Variants in CNTNAP4 observed in about 807,000 individuals in gnomAD.
CNTNAP4 encodes the protein contactin-associated protein-like 4.
CNTNAP4 carries 98 observed loss-of-function variants against 148.4 expected under a neutral mutation model. The ratio of observed to expected loss-of-function variants is 0.66; its 90% CI spans 0.56 to 0.78. CNTNAP4 has a LOEUF of 0.78. Among genes scored for constraint, CNTNAP4 ranks in the 30% least tolerant of loss-of-function variants. The pLI is 0.00. For synonymous variants in CNTNAP4, 730 were observed against 565.1 expected (o/e 1.29, Z -4.14); for missense variants, 1,935 against 1,565.6 (o/e 1.24, Z -3.98).
At chr16:76,495,271 T>G (rs965594725) in intron 14 of CNTNAP4, 3 of 397,784 alleles carry the variant, frequency 7.5e-6, no homozygotes, top group Non-Finnish European at 1.3e-5. Context: ...TAATGGACCA[T>G]AAGTCATGTA....
chr16:76,384,562 C>T (rs933085198), intron 3 of CNTNAP4, among the ~76,000 whole-genome samples: 2 of 152,060 alleles, frequency 1.3e-5, no homozygotes, highest in East Asian at 1.9e-4. Context: ...TTCATTCTCC[C>T]GCACTTGGAG....
chr16:76,429,984 A>G (rs1047335543), intron 4 of CNTNAP4, among the ~76,000 whole-genome samples: 13 of 152,216 alleles, frequency 8.5e-5, no homozygotes, highest in Non-Finnish European at 1.6e-4. Context: ...AGAAAAAGTA[A>G]TAAACTTAAT....
intron 1 of CNTNAP4, among the ~76,000 whole-genome samples, chr16:76,295,410 G>A (rs1007509614): frequency 1.3e-5 from 2 of 152,140 alleles, no homozygotes; most frequent in African/African-American, 2.4e-5. Flanking sequence ...TAAGTGTTAT[G>A]CATGCACATG....
In CNTNAP4 at chr16:76,448,885, A is replaced by T; in HGVS notation, c.861A>T (p.Thr287=). The T allele has an allele frequency of 6.2e-7, 1 of 1,613,786 alleles. No homozygotes were observed. Among genetic ancestry groups the T allele is most frequent in the Middle Eastern group, 1.6e-4 (1 of 6,062 alleles). The change falls in exon 6 of 24, where the codon ACA becomes ACT. Residue 287 remains threonine (T), a synonymous_variant. Transcript: ENST00000611870. ...IQRLGKQVNF[T]VDEHRHHFHA... ...GTTTGGGCAAACAAGTCAACTTCAC[A>T]GTGGACGAACACAGGCATCATTTCC...
intron 11 of CNTNAP4, 109 bp downstream of exon 11, chr16:76,476,154 A>C: frequency 1.4e-6 from 1 of 694,058 alleles, no homozygotes; most frequent in South Asian, 1.9e-5. Flanking sequence ...CTCAGCATCC[A>C]GTGGTTAATC....
chr16:76,378,508 T>C (rs1278785776), intron 3 of CNTNAP4, among the ~76,000 whole-genome samples: 1 of 152,186 alleles, frequency 6.6e-6, no homozygotes, highest in Non-Finnish European at 1.5e-5. Flanking sequence ...GATTTGTATG[T>C]GCTGGTAAAC....
intron 23 of CNTNAP4, among the ~76,000 whole-genome samples, chr16:76,556,849 G>C (rs2085218686): frequency 6.6e-6 from 1 of 152,156 alleles, no homozygotes; most frequent in African/African-American, 2.4e-5. Flanking sequence ...ACCTGTCTCA[G>C]GTAAGGCTGA....
chr16:76,382,688 A>G (rs2016104132), intron 3 of CNTNAP4, among the ~76,000 whole-genome samples: 1 of 152,186 alleles, frequency 6.6e-6, no homozygotes, highest in Non-Finnish European at 1.5e-5. Context: ...AAAAACCATG[A>G]CTATGTTTAT....
intron 4 of CNTNAP4, among the ~76,000 whole-genome samples, chr16:76,432,177 A>G (rs956746162): frequency 6.6e-6 from 1 of 152,240 alleles, no homozygotes; most frequent in African/African-American, 2.4e-5. Context: ...TGGAATAAAT[A>G]TTTTTATGCC....
At chr16:76,383,612 T>C (rs1384892809) in intron 3 of CNTNAP4, among the ~76,000 whole-genome samples, 1 of 152,140 alleles carries the variant, frequency 6.6e-6, no homozygotes, top group East Asian at 1.9e-4. Context: ...TACACTTATA[T>C]GCACATATAC....
chr16:76,399,313 C>G (rs2078321689), intron 3 of CNTNAP4, among the ~76,000 whole-genome samples: 1 of 152,120 alleles, frequency 6.6e-6, no homozygotes. Flanking sequence ...TTAAGTACCT[C>G]TGATAGAAAA....
At chr16:76,485,650 G>A (rs1023268773) in intron 12 of CNTNAP4, among the ~76,000 whole-genome samples, 21 of 152,122 alleles carry the variant, frequency 1.4e-4, no homozygotes, top group African/African-American at 5.1e-4. Context: ...AGAACACAAG[G>A]TCTGGGTCTC....
intron 4 of CNTNAP4, among the ~76,000 whole-genome samples, chr16:76,430,812 A>G (rs1209869898): frequency 6.6e-6 from 1 of 152,130 alleles, no homozygotes; most frequent in Non-Finnish European, 1.5e-5. Flanking sequence ...GAAATTGGTA[A>G]CTTCTGCAGA....
At chr16:76,548,295 C>CATTTTTTTTTTTTTTTTTTTTTTTTTTT (rs759580311) in intron 21 of CNTNAP4, among the ~76,000 whole-genome samples, 1 of 92,910 alleles carries the variant, frequency 1.1e-5, no homozygotes, top group Non-Finnish European at 2.1e-5. Context: ...TTCACTGCAC[C>CATTTTTTTTTTTTTTTTTTTTTTTTTTT]TTTTTTTTTT....
At chr16:76,444,675 AC>A in intron 4 of CNTNAP4, among the ~76,000 whole-genome samples, 1 of 152,268 alleles carries the variant, frequency 6.6e-6, no homozygotes, top group East Asian at 1.9e-4. Flanking sequence ...GGTGCAAATA[AC>A]TTTTTATAAA....
At chr16:76,442,993 G>A (rs1382763167) in intron 4 of CNTNAP4, among the ~76,000 whole-genome samples, 2 of 152,080 alleles carry the variant, frequency 1.3e-5, no homozygotes, top group African/African-American at 4.8e-5. Flanking sequence ...AGACTAAAAA[G>A]CGGGGAATTT....
intron 3 of CNTNAP4, among the ~76,000 whole-genome samples, chr16:76,404,772 T>C (rs2078544322): frequency 6.6e-6 from 1 of 152,140 alleles, no homozygotes; most frequent in South Asian, 2.1e-4. Flanking sequence ...TTTTGAGATC[T>C]TCAAAATTTA....
At chr16:76,431,276 G>A (rs2079594897) in intron 4 of CNTNAP4, among the ~76,000 whole-genome samples, 1 of 152,158 alleles carries the variant, frequency 6.6e-6, no homozygotes, top group South Asian at 2.1e-4. Context: ...CTGAAATTAG[G>A]GCTATGGGTT....
At chr16:76,542,875 A>G (rs995304181) in intron 21 of CNTNAP4, among the ~76,000 whole-genome samples, 4 of 152,194 alleles carry the variant, frequency 2.6e-5, no homozygotes, top group Non-Finnish European at 4.4e-5. Context: ...AATTTTAAGT[A>G]GGTTTTCTGT....
Sources: allele counts gnomAD v4.1 joint callset (sites outside exome capture counted in the v4.1 genomes callset), GRCh38; gene constraint gnomAD v4.1.1; transcripts MANE v1.5; gene names NCBI Gene and HGNC (gene_info 2026-07-23, HGNC 2026-07-21).